Variants in LRP1B observed in about 807,000 individuals in gnomAD.
The protein encoded by LRP1B is LDL receptor related protein 1B.
In LRP1B, 217 loss-of-function variants were observed where a neutral mutation model predicts 556.6. That is an observed-to-expected ratio of 0.39 (90% CI 0.35 to 0.44). LRP1B has a LOEUF of 0.44. Among genes scored for constraint, LRP1B ranks in the 20% least tolerant of loss-of-function variants. LRP1B has a pLI of 1.00. For missense variants in LRP1B, 5,053 were observed against 5,620.8 expected (o/e 0.90, Z 3.23); for synonymous variants, 2,047 against 1,865.8 (o/e 1.10, Z -2.50).
chr2:142,031,739 T>C (rs539650968), intron 1 of LRP1B, among the ~76,000 whole-genome samples: 45 of 151,906 alleles, frequency 3.0e-4, no homozygotes, highest in African/African-American at 1.1e-3. Flanking sequence ...TCAGTTTGAA[T>C]TGTGCCCCTG....
At chr2:141,497,665 G>C (rs570271124) in intron 2 of LRP1B, among the ~76,000 whole-genome samples, 1 of 152,068 alleles carries the variant, frequency 6.6e-6, no homozygotes, top group South Asian at 2.1e-4. Flanking sequence ...CGATTGAAAA[G>C]CTATAAAAAT....
chr2:140,251,892 G>A (rs1681434573), intron 86 of LRP1B, among the ~76,000 whole-genome samples: 1 of 150,750 alleles, frequency 6.6e-6, no homozygotes, highest in African/African-American at 2.4e-5. Context: ...AAAACACAAA[G>A]TTACTTGCAA....
chr2:140,549,539 A>G (rs1262529212), intron 43 of LRP1B, among the ~76,000 whole-genome samples: 1 of 152,196 alleles, frequency 6.6e-6, no homozygotes, highest in Non-Finnish European at 1.5e-5. Context: ...CATGGAGACG[A>G]GAAAAGAAAA....
intron 2 of LRP1B, among the ~76,000 whole-genome samples, chr2:141,764,933 T>G (rs971988752): frequency 6.6e-6 from 1 of 152,174 alleles, no homozygotes; most frequent in African/African-American, 2.4e-5. Flanking sequence ...TCTATAATAT[T>G]ATTTTTTAAA....
chr2:140,417,891 G>A (rs567015895), intron 66 of LRP1B, among the ~76,000 whole-genome samples: 4 of 152,124 alleles, frequency 2.6e-5, no homozygotes, highest in Non-Finnish European at 5.9e-5. Context: ...ATGTGTTCAC[G>A]CAGCTCTGTG....
At chr2:140,567,969 T>G (rs769830906) in intron 43 of LRP1B, among the ~76,000 whole-genome samples, 1 of 152,118 alleles carries the variant, frequency 6.6e-6, no homozygotes, top group Non-Finnish European at 1.5e-5. Flanking sequence ...GACCCATCTG[T>G]GGATAAACAT....
chr2:141,866,746 G>A (rs2105794734), intron 1 of LRP1B, among the ~76,000 whole-genome samples: 1 of 151,618 alleles, frequency 6.6e-6, no homozygotes, highest in Admixed American at 6.6e-5. Context: ...GAAAGAAGGA[G>A]AGGAAACAAA....
At chr2:140,433,789 A>C (rs1193040771) in intron 66 of LRP1B, among the ~76,000 whole-genome samples, 2 of 151,950 alleles carry the variant, frequency 1.3e-5, no homozygotes, top group Non-Finnish European at 2.9e-5. Flanking sequence ...GAACTACTTT[A>C]ATTTCAATAA....
intron 41 of LRP1B, among the ~76,000 whole-genome samples, chr2:140,677,229 T>C (rs1436043825): frequency 4.6e-5 from 7 of 152,198 alleles, no homozygotes; most frequent in African/African-American, 1.7e-4. Context: ...CACAGAGTCA[T>C]CTGAGTCTGT....
At chr2:140,619,217 T>C (rs1683366468) in intron 41 of LRP1B, among the ~76,000 whole-genome samples, 2 of 152,168 alleles carry the variant, frequency 1.3e-5, no homozygotes, top group South Asian at 4.1e-4. Flanking sequence ...CCTGACACTC[T>C]TGACCTCAAG....
chr2:141,376,177 T>C (rs1440548511), intron 3 of LRP1B, among the ~76,000 whole-genome samples: 1 of 152,146 alleles, frequency 6.6e-6, no homozygotes, highest in East Asian at 1.9e-4. Flanking sequence ...TGCTCTAGGA[T>C]CAAATGACTG....
At chr2:140,401,304 A>G (rs1209635607) in intron 66 of LRP1B, among the ~76,000 whole-genome samples, 1 of 152,106 alleles carries the variant, frequency 6.6e-6, no homozygotes, top group Non-Finnish European at 1.5e-5. Context: ...GATACCTGAG[A>G]CTTAGTCCAG....
At chr2:140,437,816 A>G (rs1046678840) in intron 66 of LRP1B, among the ~76,000 whole-genome samples, 2 of 152,198 alleles carry the variant, frequency 1.3e-5, no homozygotes, top group African/African-American at 4.8e-5. Flanking sequence ...CAGTGGGAAG[A>G]AGGGGGAAAG....
At chr2:141,079,600 CCCTT>C (rs1335586577) in intron 7 of LRP1B, among the ~76,000 whole-genome samples, 1 of 152,182 alleles carries the variant, frequency 6.6e-6, no homozygotes, top group Non-Finnish European at 1.5e-5. Flanking sequence ...TTCCTTCCTT[CCCTT>C]CCTTCTCTCT....
intron 66 of LRP1B, among the ~76,000 whole-genome samples, chr2:140,411,195 T>C (rs541415828): frequency 2.0e-5 from 3 of 152,298 alleles, no homozygotes; most frequent in African/African-American, 7.2e-5. Context: ...AAAACAACTT[T>C]ATATAAGACT....
Position 140,769,282 on chromosome 2 carries a change from T to C in LRP1B, c.5689A>G (p.Ser1897Gly). 2 of 1,612,372 alleles carry C rather than the reference T, an allele frequency of 1.2e-6. No homozygotes were observed. The highest frequency in any genetic ancestry group is 1.7e-6 in the Non-Finnish European group (2 of 1,178,742). ...EGIRGIPLEP[S>G]DKMDALMPIS... ...GGCATCAAAGCATCCATTTTGTCAC[T>C]TGGTTCAAGAGGTATTCCCCTGATT... is the stretch of plus-strand genomic sequence containing the variant. The change falls in exon 35 of 91, where the codon AGT (serine) becomes GGT (glycine). Residue 1897 changes from serine to glycine, a missense_variant. This residue lies in a region of LRP1B where 3,619 missense variants were observed against 3,931.9 expected (regional missense o/e 0.92). Coordinates refer to ENST00000389484, the MANE Select transcript of LRP1B (RefSeq NM_018557.3).
chr2:140,246,947 TCAAAAACACC>T, intron 87 of LRP1B, 129 bp downstream of exon 87: 1 of 586,782 alleles, frequency 1.7e-6, no homozygotes, highest in Admixed American at 2.5e-5. Flanking sequence ...GCTTCCTCTT[TCAAAAACACC>T]TCAATTGCAG....
intron 1 of LRP1B, among the ~76,000 whole-genome samples, chr2:141,837,084 T>A (rs1191077716): frequency 6.6e-6 from 1 of 151,976 alleles, no homozygotes; most frequent in Non-Finnish European, 1.5e-5. Context: ...ACTGAGTCTA[T>A]TATTATTCAG....
intron 1 of LRP1B, among the ~76,000 whole-genome samples, chr2:141,819,063 A>G (rs2105725739): frequency 6.7e-6 from 1 of 149,732 alleles, no homozygotes; most frequent in Middle Eastern, 3.4e-3. Flanking sequence ...ACATGGTGAA[A>G]CCCCACCTCT....
Sources: allele counts gnomAD v4.1 joint callset (sites outside exome capture counted in the v4.1 genomes callset), GRCh38; gene constraint gnomAD v4.1.1; regional missense constraint gnomAD v4.1.1; transcripts MANE v1.5; gene names NCBI Gene and HGNC (gene_info 2026-07-23, HGNC 2026-07-21).